NEK10: variants seen among roughly 807,000 people sequenced by gnomAD.
NEK10 encodes the protein NIMA related kinase 10.
NEK10 carries 122 observed loss-of-function variants against 159.8 expected under a neutral mutation model. The ratio of observed to expected loss-of-function variants is 0.76; its 90% confidence interval spans 0.66 to 0.89. The LOEUF is 0.89. Ranked by LOEUF, NEK10 falls within the 40% of genes least tolerant of loss-of-function variation. The pLI is 0.00. For missense variants in NEK10, 1,342 were observed against 1,323.1 expected, an observed-to-expected ratio of 1.01 and a Z score of -0.22; for synonymous variants, 466 against 457.1, an observed-to-expected ratio of 1.02 and a Z score of -0.25.
chr3:27,197,401 C>T (rs900173031), intron 25 of NEK10, among the ~76,000 whole-genome samples: 2 of 152,094 alleles, frequency 1.3e-5, no homozygotes, highest in East Asian at 1.9e-4. Context: ...GTCTCAAACA[C>T]CTGACCTCAG....
chr3:27,121,097 A>G (rs1241045248), intron 32 of NEK10, among the ~76,000 whole-genome samples: 1 of 152,212 alleles, frequency 6.6e-6, no homozygotes, highest in East Asian at 1.9e-4. Context: ...TATGAGAGAA[A>G]TAAGTGCATA....
chr3:27,297,226 G>T lies in NEK10; in HGVS notation c.1183C>A (p.Leu395Ile). The change falls in exon 14 of 36, where the codon CTC becomes ATC. Residue 395 changes from leucine to isoleucine, a missense_variant. Transcript: ENST00000691995. Reference sequence around the variant, plus strand: ...GTGTCATTGAGCACCAGCTCAGTGAGGGCAGCACAGCAGGCTGGAATGACA... The same window carrying T: ...GTGTCATTGAGCACCAGCTCAGTGATGGCAGCACAGCAGGCTGGAATGACA... ...FSLQAACCAALTELVLNDTNA... is the reference protein window; with the variant it reads ...FSLQAACCAAITELVLNDTNA... 1 of 1,612,408 alleles carries T rather than the reference G, an allele frequency of 6.2e-7. No individual in the cohort carries two copies. Among genetic ancestry groups the T allele is most frequent in the Non-Finnish European group, 8.5e-7 (1 of 1,178,480 alleles).
rs11719339 is a variant in NEK10 at position 27,369,070 on chromosome 3, C to G, written c.-38+155G>C. The G allele has an allele frequency of 0.23, 34,714 of 152,374 alleles. 4,467 individuals carry two copies. The highest frequency in any genetic ancestry group is 0.37 in the Middle Eastern group (110 of 296). 9.4% of individuals were successfully genotyped at this position (152,374 alleles called of 1,614,324 possible). ...CTGCCTCACGCAGTGACTCACTTAC[C>G]CACCACAGCCGCATTCTCTACCTCT... is the stretch of plus-strand genomic sequence containing the variant. On this transcript the variant is annotated intron_variant, in intron 1 of 35. Transcript: ENST00000691995. The surrounding 1 kb of genome is among the most constrained non-coding windows in gnomAD (Gnocchi z 4.2).
intron 29 of NEK10, among the ~76,000 whole-genome samples, chr3:27,169,008 T>C (rs1192783360): frequency 6.6e-6 from 1 of 152,168 alleles, no homozygotes; most frequent in Admixed American, 6.5e-5. Context: ...ATATAGACCA[T>C]ATGGGGTTTT....
At chr3:27,280,982 A>G (rs184615429) in intron 22 of NEK10, among the ~76,000 whole-genome samples, 6 of 151,810 alleles carry the variant, frequency 4.0e-5, no homozygotes, top group Non-Finnish European at 8.8e-5. Flanking sequence ...AGATGCAGAA[A>G]CAATTCAGGA....
chr3:27,265,334 G>A (rs2040799832), intron 22 of NEK10, among the ~76,000 whole-genome samples: 1 of 152,012 alleles, frequency 6.6e-6, no homozygotes, highest in East Asian at 1.9e-4. Flanking sequence ...ATAAGCATGT[G>A]TTTAATTTGA....
intron 23 of NEK10, among the ~76,000 whole-genome samples, chr3:27,232,030 C>A (rs1953338301): frequency 6.6e-6 from 1 of 151,572 alleles, no homozygotes; most frequent in South Asian, 2.1e-4. Context: ...AAGGACATAA[C>A]AAAAAAAGAA....
rs775058519 is a variant in NEK10 at position 27,141,597 on chromosome 3, T to C, written c.2870-15A>G. ...TCCTGCTGATGCTGTGGGTGATAAA[T>C]TTTGTAGTTAGTCAAGTTCTCTTTC... On this transcript the variant is annotated splice_polypyrimidine_tract_variant and intron_variant, in intron 30 of 35. Coordinates refer to ENST00000691995, the MANE Select transcript of NEK10 (RefSeq NM_001394966.1). The C allele has an allele frequency of 6.3e-7, 1 of 1,593,088 alleles. No homozygotes were observed. Among genetic ancestry groups the C allele is most frequent in the South Asian group, 1.1e-5 (1 of 88,356 alleles).
At position 27,131,930 on chromosome 3, in the gene NEK10, G is replaced by T; in HGVS notation, c.3031C>A (p.Leu1011Ile). The change falls in exon 32 of 36, where the codon CTC becomes ATC. Residue 1011 changes from leucine (L) to isoleucine (I), a missense_variant. Physicochemically the swap from Leu to Ile is conservative, Grantham distance 5 (BLOSUM62 2). Coordinates refer to ENST00000691995, the MANE Select transcript of NEK10 (RefSeq NM_001394966.1). ...CAAGGGTTACTCTGCTGGCTGAAGAGGGATTTCTTGAATCTCTCTATAACC... is the reference window on the plus strand; with the variant it reads ...CAAGGGTTACTCTGCTGGCTGAAGATGGATTTCTTGAATCTCTCTATAACC... ...RRVIERFKKS[L>I]FSQQSNPCNL... is the part of the protein sequence containing the mutation. The T allele has an allele frequency of 6.2e-7, 1 of 1,608,980 alleles. No homozygotes were observed. The highest frequency in any genetic ancestry group is 8.5e-7 in the Non-Finnish European group (1 of 1,176,562).
chr3:27,318,131 T>C (rs2045354139), intron 6 of NEK10, among the ~76,000 whole-genome samples: 2 of 152,204 alleles, frequency 1.3e-5, no homozygotes, highest in South Asian at 4.1e-4. Flanking sequence ...ATGATTTTAA[T>C]GCCCCTCTGT....
Position 27,291,517 on chromosome 3 carries a change from A to G in NEK10, c.1443T>C (p.Tyr481=), listed in dbSNP as rs1256968632. Residue 481 remains tyrosine (Y), a synonymous_variant, in exon 17 of 36, where the codon TAT becomes TAC. Coordinates refer to ENST00000691995, the MANE Select transcript of NEK10 (RefSeq NM_001394966.1). ...AATTCAGCTTGGATACCAATTCTTC[A>G]TAAGCACTGATATCACGTACATAAT... ...IGHYVRDISA[Y]EELVSKLNLL... 6.2e-7 allele frequency: 1 copy of G among 1,611,128 alleles called. No homozygotes were observed. Among genetic ancestry groups the G allele is most frequent in the Non-Finnish European group, 8.5e-7 (1 of 1,177,364 alleles).
intron 23 of NEK10, among the ~76,000 whole-genome samples, chr3:27,223,755 A>G (rs1374104548): frequency 6.6e-6 from 1 of 152,028 alleles, no homozygotes; most frequent in Non-Finnish European, 1.5e-5. Flanking sequence ...TGATGACCCT[A>G]TGTCTCCTTA....
intron 32 of NEK10, among the ~76,000 whole-genome samples, chr3:27,130,347 G>A (rs1023076603): frequency 3.3e-5 from 5 of 152,154 alleles, no homozygotes; most frequent in Admixed American, 1.3e-4. Flanking sequence ...CAGACGAGGT[G>A]TATCAGAAGG....
chr3:27,124,125 GA>G (rs1444488403), intron 32 of NEK10, among the ~76,000 whole-genome samples: 1 of 152,084 alleles, frequency 6.6e-6, no homozygotes, highest in Admixed American at 6.6e-5. Context: ...AATGCAGACA[GA>G]CTATTAAGAG....
At chr3:27,192,706 T>C (rs1205199198) in intron 25 of NEK10, among the ~76,000 whole-genome samples, 1 of 152,084 alleles carries the variant, frequency 6.6e-6, no homozygotes, top group Non-Finnish European at 1.5e-5. Context: ...GCAGCTGAAC[T>C]ATCAGCTGAA....
chr3:27,232,054 T>C (rs1953340930), intron 23 of NEK10, among the ~76,000 whole-genome samples: 1 of 151,844 alleles, frequency 6.6e-6, no homozygotes, highest in African/African-American at 2.4e-5. Flanking sequence ...TACAGATTAA[T>C]AACCCTGATG....
intron 23 of NEK10, among the ~76,000 whole-genome samples, chr3:27,232,057 C>A (rs1476035841): frequency 6.6e-6 from 1 of 151,846 alleles, no homozygotes; most frequent in South Asian, 2.1e-4. Flanking sequence ...AGATTAATAA[C>A]CCTGATGAAT....
intron 33 of NEK10, among the ~76,000 whole-genome samples, chr3:27,118,493 T>C (rs1237121891): frequency 6.6e-6 from 1 of 152,234 alleles, no homozygotes; most frequent in Non-Finnish European, 1.5e-5. Context: ...ATGTGAGTAC[T>C]GGTGGCTCAT....
At chr3:27,284,490 C>T in intron 22 of NEK10, 112 bp downstream of exon 22, 1 of 661,146 alleles carries the variant, frequency 1.5e-6, no homozygotes, top group Non-Finnish European at 2.7e-6. Flanking sequence ...CTGTATTGGA[C>T]AGCATAGACA....
Sources: gnomAD v4.1 joint callset for allele counts (sites outside exome capture counted in the v4.1 genomes callset) on GRCh38, gnomAD v4.1.1 for gene constraint, Gnocchi (gnomAD v3.1) non-coding constraint, MANE v1.5 for transcripts, NCBI Gene and HGNC (gene_info 2026-07-23, HGNC 2026-07-21) for gene names.